VEPH1: variants seen among roughly 807,000 people sequenced by gnomAD.
VEPH1 encodes the protein ventricular zone expressed PH domain containing 1, also known as ventricular zone-expressed PH domain-containing protein homolog 1.
VEPH1 carries 80 observed loss-of-function variants against 85.2 expected under a neutral mutation model. The observed-to-expected ratio is 0.94, with a 90% confidence interval of 0.78 to 1.13. VEPH1 has a LOEUF of 1.13. VEPH1 is among the 50% of genes most tolerant of loss of function. The pLI is 0.00. For synonymous variants in VEPH1, 297 were observed against 348.0 expected, an observed-to-expected ratio of 0.85 and a Z score of 1.63; for missense variants, 955 against 980.5, an observed-to-expected ratio of 0.97 and a Z score of 0.35.
At chr3:157,314,232 C>T (rs1720466982) in intron 10 of VEPH1, among the ~76,000 whole-genome samples, 2 of 145,400 alleles carry the variant, frequency 1.4e-5, no homozygotes, top group East Asian at 4.3e-4. Context: ...ACTCGGGAGG[C>T]TGAGGCAGGA....
chr3:157,277,634 C>A (rs938296503), intron 12 of VEPH1, among the ~76,000 whole-genome samples: 1 of 152,122 alleles, frequency 6.6e-6, no homozygotes, highest in African/African-American at 2.4e-5. Context: ...GCACTGGAAG[C>A]CTTAGCAGTT....
At chr3:157,483,313 C>T (rs1738309455) in intron 2 of VEPH1, among the ~76,000 whole-genome samples, 1 of 152,084 alleles carries the variant, frequency 6.6e-6, no homozygotes, top group African/African-American at 2.4e-5. Context: ...GTACAACACT[C>T]AACACAGACC....
intron 4 of VEPH1, chr3:157,438,037 GCACACACACACACA>G (rs781700719): frequency 1.0e-4 from 54 of 516,106 alleles, no homozygotes; most frequent in African/African-American, 7.4e-4. Context: ...GCGCGCGCGC[GCACACACACACACA>G]CACACACACA....
At chr3:157,488,954 CCCCCT>C in intron 2 of VEPH1, 1 of 230,772 alleles carries the variant, frequency 4.3e-6, no homozygotes, top group Non-Finnish European at 9.3e-6. Context: ...CTTTCTCTCT[CCCCCT>C]TCCCCCCACC....
At chr3:157,366,391 A>G (rs1027385463) in intron 7 of VEPH1, among the ~76,000 whole-genome samples, 5 of 152,094 alleles carry the variant, frequency 3.3e-5, no homozygotes, top group Non-Finnish European at 7.3e-5. Context: ...TAATACCTGA[A>G]TGAGAGTGAG....
At chr3:157,451,922 A>G (rs1735000152) in intron 4 of VEPH1, among the ~76,000 whole-genome samples, 1 of 152,210 alleles carries the variant, frequency 6.6e-6, no homozygotes, top group Non-Finnish European at 1.5e-5. Flanking sequence ...CATGAAAGAA[A>G]AGTGTAAAGA....
At chr3:157,353,752 A>G (rs1181848745) in intron 9 of VEPH1, among the ~76,000 whole-genome samples, 1 of 151,586 alleles carries the variant, frequency 6.6e-6, no homozygotes, top group Non-Finnish European at 1.5e-5. Flanking sequence ...CATCCTACAT[A>G]TTTTACTTAT....
intron 11 of VEPH1, among the ~76,000 whole-genome samples, chr3:157,288,776 G>A (rs1393562388): frequency 6.6e-6 from 1 of 152,236 alleles, no homozygotes; most frequent in African/African-American, 2.4e-5. Context: ...AATAACAAAA[G>A]GCATGCCCTG....
chr3:157,448,583 T>C (rs1734722145), intron 4 of VEPH1, among the ~76,000 whole-genome samples: 1 of 152,186 alleles, frequency 6.6e-6, no homozygotes, highest in African/African-American at 2.4e-5. Context: ...GTGAAAGATA[T>C]GCTAACTTGT....
At chr3:157,320,572 G>C (rs62281383) in intron 9 of VEPH1, among the ~76,000 whole-genome samples, 33,932 of 152,034 alleles carry the variant, frequency 0.22, 4,615 homozygotes, top group Admixed American at 0.41. Flanking sequence ...ATGTTGAAGA[G>C]AGAAGTCATG....
At chr3:157,290,225 T>A (rs555550174) in intron 11 of VEPH1, among the ~76,000 whole-genome samples, 30 of 152,222 alleles carry the variant, frequency 2.0e-4, no homozygotes, top group African/African-American at 7.2e-4. Flanking sequence ...GAGTTCAAAG[T>A]CATCAGTCCT....
chr3:157,385,301 T>TGTG (rs1729181423), intron 6 of VEPH1, among the ~76,000 whole-genome samples: 1 of 152,028 alleles, frequency 6.6e-6, no homozygotes, highest in Admixed American at 6.6e-5. Flanking sequence ...ATCAGAGTTA[T>TGTG]GTGGTCTTTT....
intron 12 of VEPH1, among the ~76,000 whole-genome samples, chr3:157,274,649 C>T (rs1470530461): frequency 6.6e-6 from 1 of 152,128 alleles, no homozygotes; most frequent in Non-Finnish European, 1.5e-5. Flanking sequence ...AAGTGCATGC[C>T]ATCACACCTG....
intron 12 of VEPH1, among the ~76,000 whole-genome samples, chr3:157,268,536 T>C (rs1714068049): frequency 1.3e-5 from 2 of 152,152 alleles, no homozygotes; most frequent in African/African-American, 2.4e-5. Flanking sequence ...ATCTGAAGGT[T>C]TTTAATATTA....
chr3:157,308,508 G>A (rs1461148223), intron 11 of VEPH1, among the ~76,000 whole-genome samples: 2 of 151,920 alleles, frequency 1.3e-5, no homozygotes, highest in Non-Finnish European at 2.9e-5. Context: ...TTCCATAAAA[G>A]TGGAGTAATT....
intron 12 of VEPH1, 60 bp from the exon 13 acceptor site, chr3:157,265,722 TCA>T (rs1713550668): frequency 1.3e-6 from 2 of 1,583,828 alleles, no homozygotes; most frequent in Non-Finnish European, 1.7e-6. Context: ...AGGTAGGTGA[TCA>T]AAAGTCAGAA....
At chr3:157,396,932 G>T (rs1053180683) in intron 6 of VEPH1, among the ~76,000 whole-genome samples, 1 of 152,084 alleles carries the variant, frequency 6.6e-6, no homozygotes, top group African/African-American at 2.4e-5. Flanking sequence ...CTGTGCAGAA[G>T]CTCTTTAATT....
chr3:157,481,481 A>G (rs1294279972), intron 2 of VEPH1, among the ~76,000 whole-genome samples: 7 of 133,232 alleles, frequency 5.3e-5, no homozygotes, highest in Non-Finnish European at 7.8e-5. Context: ...AAAAAAAAAA[A>G]AAAAACAATC....
chr3:157,465,097 G>A (rs1190703072), intron 3 of VEPH1, among the ~76,000 whole-genome samples: 1 of 152,126 alleles, frequency 6.6e-6, no homozygotes, highest in Non-Finnish European at 1.5e-5. Flanking sequence ...GCCACTATAT[G>A]AGCATTAGAT....
Sources: allele counts gnomAD v4.1 joint callset (sites outside exome capture counted in the v4.1 genomes callset), GRCh38; gene constraint gnomAD v4.1.1; transcripts MANE v1.5; gene names NCBI Gene and HGNC (gene_info 2026-07-23, HGNC 2026-07-21).